The following ITGB3BP variants were observed in gnomAD, a reference collection of about 807,000 sequenced individuals.
ITGB3BP encodes centromere protein R.
In ITGB3BP, 27 loss-of-function variants were observed where a neutral mutation model predicts 29.1. The observed-to-expected ratio is 0.93, with a 90% CI of 0.68 to 1.28. ITGB3BP has a LOEUF of 1.28. Among genes scored for constraint, ITGB3BP ranks in the 50% most tolerant of loss-of-function variants. The pLI, the probability that ITGB3BP is intolerant of heterozygous loss-of-function variation, is 0.00. For synonymous variants in ITGB3BP, 61 were observed against 61.4 expected (o/e 0.99, Z 0.03); for missense variants, 192 against 200.2 (o/e 0.96, Z 0.25).
At chr1:63,525,707 T>C, upstream of ITGB3BP, 1 of 1,587,244 alleles carries the variant, frequency 6.3e-7, no homozygotes, top group Non-Finnish European at 8.5e-7. Flanking sequence ...CCTACTTAAC[T>C]GTCTTCAAAA....
chr1:63,446,708 C>T, intron 8 of ITGB3BP, 98 bp downstream of exon 8: 2 of 859,330 alleles, frequency 2.3e-6, no homozygotes, highest in Non-Finnish European at 3.9e-6. Context: ...TACAGGAAGA[C>T]AATACCAAAT....
chr1:63,457,228 A>G (rs1644948251), intron 4 of ITGB3BP: 1 of 152,010 alleles, frequency 6.6e-6, no homozygotes, highest in Non-Finnish European at 1.5e-5. Context: ...TTTTCAAGGC[A>G]TTCTTTTCCA....
At chr1:63,514,002 T>A (rs1173199455) in intron 1 of ITGB3BP, among the ~76,000 whole-genome samples, 1 of 152,176 alleles carries the variant, frequency 6.6e-6, no homozygotes, top group Non-Finnish European at 1.5e-5. Flanking sequence ...ATATGGAATA[T>A]TTGAATCATA....
At chr1:63,465,863 CATTTATTTTTT>C (rs924789959) in intron 4 of ITGB3BP, among the ~76,000 whole-genome samples, 2 of 152,056 alleles carry the variant, frequency 1.3e-5, no homozygotes, top group Non-Finnish European at 2.9e-5. Flanking sequence ...CTGCATTTAA[CATTTATTTTTT>C]ATTTATTTTA....
chr1:63,515,750 C>T (rs1270948790), intron 1 of ITGB3BP, among the ~76,000 whole-genome samples: 6 of 138,840 alleles, frequency 4.3e-5, no homozygotes, highest in African/African-American at 8.1e-5. Flanking sequence ...CACTTGAACT[C>T]GGGAGGCGGA....
At chr1:63,491,911 A>G (rs1026780288) in intron 2 of ITGB3BP, among the ~76,000 whole-genome samples, 3 of 89,250 alleles carry the variant, frequency 3.4e-5, no homozygotes, top group Admixed American at 2.7e-4. Context: ...TTGAGTTTTT[A>G]CCTGTTTGTA....
intron 3 of ITGB3BP, among the ~76,000 whole-genome samples, chr1:63,488,346 T>A (rs1316340273): frequency 6.6e-6 from 1 of 151,994 alleles, no homozygotes; most frequent in Non-Finnish European, 1.5e-5. Flanking sequence ...GGGTGTTAGA[T>A]GGATATATGG....
At chr1:63,497,845 G>A (rs189768119) in intron 2 of ITGB3BP, among the ~76,000 whole-genome samples, 32 of 152,278 alleles carry the variant, frequency 2.1e-4, no homozygotes, top group Middle Eastern at 3.4e-3. Context: ...TATCACTGGG[G>A]TGTGTTTATT....
intron 1 of ITGB3BP, among the ~76,000 whole-genome samples, chr1:63,519,379 G>A (rs1486436130): frequency 1.3e-5 from 2 of 152,050 alleles, no homozygotes; most frequent in South Asian, 2.1e-4. Flanking sequence ...GGTACTTAAA[G>A]TAGTTTCTAC....
chr1:63,527,320 G>A (rs779286100), upstream of ITGB3BP, among the ~76,000 whole-genome samples: 2 of 152,118 alleles, frequency 1.3e-5, no homozygotes, highest in Non-Finnish European at 2.9e-5. Flanking sequence ...TGGTTTTAGG[G>A]TGGAATACTC....
rs1408245242 is a variant in ITGB3BP at position 63,440,805 on chromosome 1, C to T, written c.*300G>A. The stretch of plus-strand genomic sequence containing the variant: ...ATACATGCTTTATTAAGTCTACCCA[C>T]AAATGCTAAAAGTCCACAGAAGTGT... On this transcript the variant is annotated 3_prime_UTR_variant, in exon 9 of 9. Transcript: ENST00000271002. 1 of 152,628 alleles carries T rather than the reference C, an allele frequency of 6.6e-6. No homozygotes were observed. The highest frequency in any genetic ancestry group is 1.5e-5 in the Non-Finnish European group (1 of 68,044). The allele number at this position is 152,628 out of a possible 1,614,324, so 9.5% of individuals were successfully genotyped here.
intron 4 of ITGB3BP, among the ~76,000 whole-genome samples, chr1:63,462,236 T>A (rs1025551091): frequency 6.6e-6 from 1 of 152,232 alleles, no homozygotes; most frequent in Non-Finnish European, 1.5e-5. Context: ...TCCTTTCAGA[T>A]GCTACTGCAA....
chr1:63,454,033 T>A lies in ITGB3BP; in HGVS notation c.428-59A>T. The A allele has an allele frequency of 1.1e-6, 1 of 928,714 alleles. No homozygotes were observed. The highest frequency in any genetic ancestry group is 1.7e-6 in the Non-Finnish European group (1 of 590,046). 57.5% of individuals were successfully genotyped at this position (928,714 alleles called of 1,614,324 possible). A position where few individuals can be genotyped will look rare whatever the true frequency, so the allele number is the denominator to read the frequency against. ...ACATAGAATATGGATAATTTCTCAA[T>A]ACTTGCAACAAACAACTTCATGAGA... On this transcript the variant is annotated intron_variant, in intron 6 of 8. Coordinates refer to ENST00000271002, the MANE Select transcript of ITGB3BP (RefSeq NM_014288.5). This position sits in a 1 kb window ranked among gnomAD's most constrained non-coding sequence, Gnocchi z 4.1.
At chr1:63,506,182 A>ATGAATGTGGGTGCTCCTGTATTGGT (rs1646074943) in intron 2 of ITGB3BP, among the ~76,000 whole-genome samples, 1 of 152,176 alleles carries the variant, frequency 6.6e-6, no homozygotes, top group Non-Finnish European at 1.5e-5. Flanking sequence ...GACTTGCTTT[A>ATGAATGTGGGTGCTCCTGTATTGGT]TGAATGTGGG....
intron 2 of ITGB3BP, among the ~76,000 whole-genome samples, chr1:63,507,783 T>C (rs10889425): frequency 0.39 from 59,970 of 152,044 alleles, 13,592 homozygotes; most frequent in Non-Finnish European, 0.52. Flanking sequence ...AACCCATTTA[T>C]TGAAATGGCA....
At chr1:63,453,813 T>C (rs1166758692) in intron 7 of ITGB3BP, 105 bp downstream of exon 7, 4 of 701,054 alleles carry the variant, frequency 5.7e-6, no homozygotes, top group Admixed American at 5.2e-5. Flanking sequence ...CAGGGATCTC[T>C]GAGGAAAAAA....
chr1:63,527,985 G>A (rs1174395918), upstream of ITGB3BP: 2 of 152,146 alleles, frequency 1.3e-5, no homozygotes, highest in Non-Finnish European at 2.9e-5. Context: ...TGGTAGGAAT[G>A]TATATTAGTA....
In ITGB3BP at chr1:63,473,977, TCAGCCCCCCACCTGGC is replaced by T. The variant is rs1463333001; in HGVS notation, c.254+4771_254+4786del. Reference sequence around the variant, plus strand: ...CCCGTCCGGGAGGGAGGTGGGGGGATCAGCCCCCCACCTGGCCAGCCGCCCCGTCCGGGAGGGAGGT... The same window carrying T: ...CCCGTCCGGGAGGGAGGTGGGGGGATCAGCCGCCCCGTCCGGGAGGGAGGT... On this transcript the variant is annotated intron_variant, in intron 4 of 8. Coordinates refer to ENST00000271002, the MANE Select transcript of ITGB3BP (RefSeq NM_014288.5). 5.1e-3 allele frequency among the ~76,000 whole-genome samples: 19 copies of T among 3,758 alleles called. 3 individuals carry two copies. Among genetic ancestry groups the T allele is most frequent in the African/African-American group, 5.7e-3 (19 of 3,312 alleles). The allele number at this position is 3,758 out of a possible 152,430, so 2.5% of individuals were successfully genotyped here.
chr1:63,505,600 T>C (rs1646057696), intron 2 of ITGB3BP, among the ~76,000 whole-genome samples: 1 of 152,192 alleles, frequency 6.6e-6, no homozygotes, highest in African/African-American at 2.4e-5. Context: ...TTAATTGTGA[T>C]GTTAGGGGGT....
Sources: gnomAD v4.1 joint callset for allele counts (sites outside exome capture counted in the v4.1 genomes callset) on GRCh38, gnomAD v4.1.1 for gene constraint, Gnocchi (gnomAD v3.1) non-coding constraint, MANE v1.5 for transcripts, NCBI Gene and HGNC (gene_info 2026-07-23, HGNC 2026-07-21) for gene names.